Variants in AGBL1 observed in about 807,000 individuals in gnomAD.
The protein encoded by AGBL1 is cytosolic carboxypeptidase 4.
AGBL1 carries 130 observed loss-of-function variants against 118.9 expected under a neutral mutation model. The observed-to-expected ratio is 1.09, with a 90% CI of 0.95 to 1.26. The LOEUF (loss-of-function observed/expected upper bound fraction) is 1.26. Ranked by LOEUF, AGBL1 falls within the 50% of genes most tolerant of loss-of-function variation. The pLI is 0.00. For missense variants in AGBL1, 1,584 were observed against 1,298.1 expected, an observed-to-expected ratio of 1.22 and a Z score of -3.38; for synonymous variants, 555 against 478.9, an observed-to-expected ratio of 1.16 and a Z score of -2.08.
chr15:86,209,465 G>A (rs891979625), intron 5 of AGBL1, among the ~76,000 whole-genome samples: 2 of 152,122 alleles, frequency 1.3e-5, no homozygotes, highest in African/African-American at 4.8e-5. Context: ...CTCTTTGTAG[G>A]TCTCTGAGGA....
chr15:86,882,002 AT>A (rs2079899270), intron 22 of AGBL1, among the ~76,000 whole-genome samples: 1 of 152,308 alleles, frequency 6.6e-6, no homozygotes, highest in Middle Eastern at 3.4e-3. Context: ...TGAACATGAG[AT>A]TTGGTGGGGA....
At chr15:86,695,020 A>G (rs968088587) in intron 22 of AGBL1, among the ~76,000 whole-genome samples, 4 of 151,958 alleles carry the variant, frequency 2.6e-5, no homozygotes, top group African/African-American at 9.7e-5. Flanking sequence ...GAATTTTTGC[A>G]TCTGTGTTCA....
intron 17 of AGBL1, among the ~76,000 whole-genome samples, chr15:86,353,575 A>C (rs191828213): frequency 2.6e-5 from 4 of 152,332 alleles, no homozygotes; most frequent in East Asian, 3.8e-4. Flanking sequence ...AGATTTTCTA[A>C]TTATTTTGCA....
At chr15:86,559,119 C>G (rs1424748742) in intron 21 of AGBL1, among the ~76,000 whole-genome samples, 1 of 152,182 alleles carries the variant, frequency 6.6e-6, no homozygotes, top group African/African-American at 2.4e-5. Flanking sequence ...CTGTGAACCT[C>G]TATCTCTGTG....
intron 22 of AGBL1, among the ~76,000 whole-genome samples, chr15:86,818,240 T>C (rs767094359): frequency 3.9e-5 from 6 of 152,172 alleles, no homozygotes; most frequent in Non-Finnish European, 8.8e-5. Context: ...ATTTGTGATA[T>C]TTGTTACGGC....
chr15:86,922,131 T>C (rs768405734), intron 23 of AGBL1, among the ~76,000 whole-genome samples: 7 of 152,132 alleles, frequency 4.6e-5, no homozygotes, highest in Non-Finnish European at 7.4e-5. Context: ...AATCATAAAT[T>C]AGAAGAAAAA....
At chr15:86,553,334 G>A (rs966813452) in intron 20 of AGBL1, among the ~76,000 whole-genome samples, 6 of 152,126 alleles carry the variant, frequency 3.9e-5, no homozygotes, top group African/African-American at 1.4e-4. Flanking sequence ...TCTAGTGGCT[G>A]GAAGATCCCT....
At chr15:86,663,327 A>G (rs986538456) in intron 21 of AGBL1, among the ~76,000 whole-genome samples, 1 of 152,184 alleles carries the variant, frequency 6.6e-6, no homozygotes, top group African/African-American at 2.4e-5. Context: ...TCTCAAAATG[A>G]TGTATGTAAC....
intron 7 of AGBL1, 34 bp from the exon 8 acceptor site, chr15:86,256,819 T>A (rs761965359): frequency 3.0e-5 from 48 of 1,610,600 alleles, no homozygotes; most frequent in Admixed American, 2.8e-4. Flanking sequence ...TGTGCCCAGA[T>A]GTTGGCATCT....
intron 22 of AGBL1, among the ~76,000 whole-genome samples, chr15:86,799,628 A>G (rs1200676521): frequency 2.6e-5 from 4 of 152,122 alleles, no homozygotes; most frequent in Non-Finnish European, 5.9e-5. Context: ...GGATTCCCGC[A>G]TCTCCAGAAA....
intron 15 of AGBL1, among the ~76,000 whole-genome samples, chr15:86,277,891 C>T (rs542825568): frequency 5.3e-5 from 8 of 152,344 alleles, no homozygotes; most frequent in East Asian, 3.9e-4. Context: ...CACTCTTCCA[C>T]GCTTTGATTG....
At chr15:86,659,871 G>T (rs759447577) in intron 21 of AGBL1, among the ~76,000 whole-genome samples, 3 of 152,162 alleles carry the variant, frequency 2.0e-5, no homozygotes, top group Non-Finnish European at 4.4e-5. Context: ...ATGGGCCCAT[G>T]GTAGGACTGT....
rs2080307494 is a variant in AGBL1 at position 86,908,271 on chromosome 15, A to G, written c.*977A>G. On this transcript the variant is annotated 3_prime_UTR_variant, in exon 23 of 23. Coordinates refer to ENST00000614907, the MANE Select transcript of AGBL1 (RefSeq NM_001386094.1). ...TTCATAACACAAAAGAACATTCTAT[A>G]TAAGAATTCTGACAGTTAAGAAAAA... 6.6e-6 allele frequency: 1 copy of G among 152,232 alleles called. No homozygotes were observed. The allele number at this position is 152,232 out of a possible 1,614,324, so 9.4% of individuals were successfully genotyped here. A position where few individuals can be genotyped will look rare whatever the true frequency, so the allele number is the denominator to read the frequency against.
intron 5 of AGBL1, among the ~76,000 whole-genome samples, chr15:86,159,470 A>G (rs2077237043): frequency 6.6e-6 from 1 of 152,156 alleles, no homozygotes; most frequent in African/African-American, 2.4e-5. Context: ...CTCTAAAGAG[A>G]CAGCCAGTTA....
At chr15:86,526,836 C>T (rs935061557) in intron 19 of AGBL1, among the ~76,000 whole-genome samples, 2 of 151,746 alleles carry the variant, frequency 1.3e-5, no homozygotes, top group African/African-American at 4.8e-5. Context: ...GTATAATGGA[C>T]ACTTGGAGAA....
intron 21 of AGBL1, among the ~76,000 whole-genome samples, chr15:86,646,208 G>C (rs2085277431): frequency 6.6e-6 from 1 of 152,156 alleles, no homozygotes; most frequent in Admixed American, 6.5e-5. Context: ...GAATTATCAT[G>C]GTGTCAGGCA....
At chr15:86,670,239 T>C (rs1181775986) in intron 21 of AGBL1, among the ~76,000 whole-genome samples, 1 of 152,060 alleles carries the variant, frequency 6.6e-6, no homozygotes, top group Non-Finnish European at 1.5e-5. Context: ...AGGTCTCGAT[T>C]AATTTACACT....
intron 17 of AGBL1, among the ~76,000 whole-genome samples, chr15:86,312,545 G>A (rs2079936468): frequency 6.6e-6 from 1 of 152,188 alleles, no homozygotes; most frequent in African/African-American, 2.4e-5. Context: ...GCCTTTCCTG[G>A]TAACAGATGA....
intron 1 of AGBL1, among the ~76,000 whole-genome samples, chr15:86,080,512 T>G (rs186192311): frequency 2.6e-5 from 4 of 152,334 alleles, no homozygotes; most frequent in African/African-American, 7.2e-5. Flanking sequence ...CGACTATCAG[T>G]GCATTTTCCC....
Sources: allele counts gnomAD v4.1 joint callset (sites outside exome capture counted in the v4.1 genomes callset), GRCh38; gene constraint gnomAD v4.1.1; transcripts MANE v1.5; gene names NCBI Gene and HGNC (gene_info 2026-07-23, HGNC 2026-07-21).